Variants in FEZ2 observed in about 807,000 individuals in gnomAD.
FEZ2 encodes fasciculation and elongation protein zeta 2.
FEZ2 carries 51 observed loss-of-function variants against 40.4 expected under a neutral mutation model. The ratio of observed to expected loss-of-function variants is 1.26; its 90% confidence interval spans 1.01 to 1.59. The LOEUF (loss-of-function observed/expected upper bound fraction) is 1.59. Among genes scored for constraint, FEZ2 ranks in the 40% most tolerant of loss-of-function variants. The pLI is 0.00. For missense variants in FEZ2, 640 were observed against 438.3 expected (o/e 1.46, Z -4.11); for synonymous variants, 242 against 172.0 (o/e 1.41, Z -3.18).
intron 5 of FEZ2, among the ~76,000 whole-genome samples, chr2:36,566,456 T>C (rs1668242331): frequency 6.6e-6 from 1 of 151,904 alleles, no homozygotes; most frequent in African/African-American, 2.4e-5. Context: ...TTTTCATAAA[T>C]TCAACTCAAG....
chr2:36,573,422 A>G (rs1558449087), intron 5 of FEZ2, among the ~76,000 whole-genome samples: 1 of 152,232 alleles, frequency 6.6e-6, no homozygotes, highest in Non-Finnish European at 1.5e-5. Context: ...CTGAAATTCA[A>G]TGACCTGTGA....
At chr2:36,596,928 G>A (rs1247323956) in intron 1 of FEZ2, among the ~76,000 whole-genome samples, 1 of 152,030 alleles carries the variant, frequency 6.6e-6, no homozygotes, top group African/African-American at 2.4e-5. Context: ...TTATAATTGC[G>A]GCTCAGGTGG....
At chr2:36,553,354 G>C (rs1371835680) in intron 7 of FEZ2, among the ~76,000 whole-genome samples, 175 bp from the exon 8 acceptor site, 1 of 152,154 alleles carries the variant, frequency 6.6e-6, no homozygotes, top group Non-Finnish European at 1.5e-5. Flanking sequence ...ACAAGGATGA[G>C]TTCTCTCAAC....
intron 5 of FEZ2, among the ~76,000 whole-genome samples, chr2:36,573,324 T>C (rs1402123004): frequency 6.6e-6 from 1 of 152,182 alleles, no homozygotes; most frequent in East Asian, 1.9e-4. Flanking sequence ...CCCAGACAAC[T>C]GCAGATAACA....
chr2:36,579,065 G>T (rs1226277174), intron 4 of FEZ2, 200 bp from the exon 5 acceptor site: 2 of 524,024 alleles, frequency 3.8e-6, no homozygotes, highest in Non-Finnish European at 6.6e-6. Flanking sequence ...CTGAGTAGAG[G>T]TAAGTGGGCA....
At chr2:36,569,578 C>T (rs1668350833) in intron 5 of FEZ2, among the ~76,000 whole-genome samples, 1 of 152,198 alleles carries the variant, frequency 6.6e-6, no homozygotes, top group Admixed American at 6.5e-5. Flanking sequence ...GAACAAGAAT[C>T]AGATACAGTG....
rs191180898 is a variant in FEZ2 at position 36,570,267 on chromosome 2, C to T, written c.903+8330G>A. 1.8e-4 allele frequency among the ~76,000 whole-genome samples: 28 copies of T among 151,616 alleles called. No individual in the cohort carries two copies. In the East Asian group the frequency reaches 4.9e-3, roughly 26 times the overall value. On this transcript the variant is annotated intron_variant, in intron 5 of 7. Coordinates refer to ENST00000405912, the MANE Select transcript of FEZ2 (RefSeq NM_005102.3). Reference sequence around the variant, plus strand: ...GTAAATTAGAAAATATACATTATACCAAAGCAGATACACACTTGAAAATCT... The same window carrying T: ...GTAAATTAGAAAATATACATTATACTAAAGCAGATACACACTTGAAAATCT...
At chr2:36,587,291 G>C (rs1668928869) in intron 2 of FEZ2, among the ~76,000 whole-genome samples, 1 of 152,180 alleles carries the variant, frequency 6.6e-6, no homozygotes, top group Non-Finnish European at 1.5e-5. Context: ...TATGCTAAGA[G>C]CTGGAATATC....
chr2:36,582,380 G>A (rs1467525677), intron 3 of FEZ2, among the ~76,000 whole-genome samples: 1 of 152,058 alleles, frequency 6.6e-6, no homozygotes, highest in Non-Finnish European at 1.5e-5. Context: ...ATTATAAGAA[G>A]AGTCTCCAAA....
At chr2:36,553,531 A>T (rs544590570) in intron 7 of FEZ2, among the ~76,000 whole-genome samples, 1 of 152,292 alleles carries the variant, frequency 6.6e-6, no homozygotes, top group East Asian at 1.9e-4. Flanking sequence ...ACACATTTTT[A>T]TTCCTAACTA....
chr2:36,583,222 T>G, intron 3 of FEZ2, 131 bp downstream of exon 3: 1 of 601,064 alleles, frequency 1.7e-6, no homozygotes, highest in Non-Finnish European at 3.0e-6. Flanking sequence ...GAGTTAACTA[T>G]TAAGCCTGTA....
chr2:36,598,072 TC>T lies in FEZ2; in HGVS notation c.70del (p.Glu24ArgfsTer35). ...AGGCTCGGGGCTCGCGTTACAGTTC[TC>T]CTGGTCCAGGAGGCTCCGGGCCGGC... Reference protein sequence around the residue: ...QEPARSLLDQENCNASPEPGA... With the variant: ...QEPARSLLDQXNCNASPEPGA... On this transcript the variant is annotated frameshift_variant, in exon 1 of 8. Transcript: ENST00000405912. LOFTEE classifies it high-confidence loss of function. 6.7e-7 allele frequency: 1 copy of T among 1,490,808 alleles called. No homozygotes were observed. Among genetic ancestry groups the T allele is most frequent in the Non-Finnish European group, 8.9e-7 (1 of 1,127,136 alleles). The allele number at this position is 1,490,808 out of a possible 1,614,324, so 92.3% of individuals were successfully genotyped here.
At chr2:36,591,350 G>C (rs1489516292) in intron 1 of FEZ2, 14 of 207,728 alleles carry the variant, frequency 6.7e-5, no homozygotes, top group Non-Finnish European at 6.8e-5. Flanking sequence ...AACATTAGAA[G>C]GGGGAACCAT....
chr2:36,567,617 C>T (rs968865321), intron 5 of FEZ2, among the ~76,000 whole-genome samples: 4 of 152,056 alleles, frequency 2.6e-5, no homozygotes, highest in Non-Finnish European at 5.9e-5. Flanking sequence ...CAAAAATTAG[C>T]CAGACGTGGT....
chr2:36,578,755 G>A lies in FEZ2; in HGVS notation c.745C>T (p.Leu249=), dbSNP rs554018744. 2 of 1,613,784 alleles carry A rather than the reference G, an allele frequency of 1.2e-6. No individual in the cohort carries two copies. The highest frequency in any genetic ancestry group is 2.7e-5 in the African/African-American group (2 of 74,872). ...TTTTTCACTTCCTTTTCAAACTCCA[G>A]TTCATCTCGTAAAGCCAACTGCTGC... ...LVQQLALRDE[L]EFEKEVKNSF... is the part of the protein sequence containing the mutation. Residue 249 remains leucine (L), a synonymous_variant, in exon 5 of 8, where the codon CTG becomes TTG. Coordinates refer to ENST00000405912, the MANE Select transcript of FEZ2 (RefSeq NM_005102.3).
intron 5 of FEZ2, among the ~76,000 whole-genome samples, chr2:36,569,354 T>C (rs1346299274): frequency 6.6e-6 from 1 of 152,222 alleles, no homozygotes; most frequent in African/African-American, 2.4e-5. Context: ...CAAGTTCTTC[T>C]AATATAAATA....
intron 5 of FEZ2, among the ~76,000 whole-genome samples, chr2:36,573,926 A>C (rs1270275336): frequency 6.6e-6 from 1 of 152,248 alleles, no homozygotes; most frequent in African/African-American, 2.4e-5. Flanking sequence ...TAATTTGAAA[A>C]GCTGGTCATT....
chr2:36,554,872 C>G (rs1427301579), intron 7 of FEZ2, among the ~76,000 whole-genome samples: 1 of 152,086 alleles, frequency 6.6e-6, no homozygotes, highest in Non-Finnish European at 1.5e-5. Context: ...GAGAGAGAAC[C>G]CAGAGAAGAA....
chr2:36,567,622 C>T (rs553411974), intron 5 of FEZ2, among the ~76,000 whole-genome samples: 9 of 152,104 alleles, frequency 5.9e-5, no homozygotes, highest in East Asian at 5.8e-4. Context: ...ATTAGCCAGA[C>T]GTGGTGGCGG....
Sources: gnomAD v4.1 joint callset for allele counts (sites outside exome capture counted in the v4.1 genomes callset) on GRCh38, gnomAD v4.1.1 for gene constraint, MANE v1.5 for transcripts, NCBI Gene and HGNC (gene_info 2026-07-23, HGNC 2026-07-21) for gene names.